Variants in RIMBP2 observed in about 807,000 individuals in gnomAD.
The protein encoded by RIMBP2 is RIMS-binding protein 2.
Under a neutral mutation model 118.6 loss-of-function variants are expected in RIMBP2, and 48 were observed. That is an observed-to-expected ratio of 0.40 (90% CI 0.32 to 0.51). RIMBP2 has a LOEUF of 0.51. Ranked by LOEUF, RIMBP2 falls within the 20% of genes least tolerant of loss-of-function variation. The probability of loss-of-function intolerance (pLI) is 0.41; values close to 1 mark genes in which losing one functional copy is unlikely to be tolerated. For missense variants in RIMBP2, 1,551 were observed against 1,768.3 expected (o/e 0.88, Z 2.20); for synonymous variants, 762 against 742.9 (o/e 1.03, Z -0.42).
chr12:130,658,437 C>G (rs2063517068), intron 1 of RIMBP2: 1 of 152,192 alleles, frequency 6.6e-6, no homozygotes, highest in African/African-American at 2.4e-5. Context: ...CTCACAGTCT[C>G]TATGCTGCAT....
Position 130,441,999 on chromosome 12 carries a change from G to A in RIMBP2, c.1353C>T (p.Ala451=), listed in dbSNP as rs769245689. 1.1e-5 allele frequency: 17 copies of A among 1,614,158 alleles called. No individual in the cohort carries two copies. The highest frequency in any genetic ancestry group is 6.7e-5 in the East Asian group (3 of 44,872). ...TGAAGAACTGGTACTTGTACCTGGCGGCCTTGACGATGTCGAACTCCTCCT... is the reference window on the plus strand; with the variant it reads ...TGAAGAACTGGTACTTGTACCTGGCAGCCTTGACGATGTCGAACTCCTCCT... ...LNEEEFDIVK[A]ARYKYQFFNL... The change falls in exon 11 of 23, where the codon GCC becomes GCT. Residue 451 remains alanine, a synonymous_variant. Transcript: ENST00000690449.
Position 130,424,737 on chromosome 12 carries a change from C to G in RIMBP2, c.2534G>C (p.Cys845Ser), listed in dbSNP as rs1210625965. 7 of 1,232,172 alleles carry G rather than the reference C, an allele frequency of 5.7e-6. No homozygotes were observed. Among genetic ancestry groups the G allele is most frequent in the Non-Finnish European group, 7.1e-6 (7 of 988,088 alleles). 76.3% of individuals were successfully genotyped at this position (1,232,172 alleles called of 1,614,324 possible). A position where few individuals can be genotyped will look rare whatever the true frequency, so the allele number is the denominator to read the frequency against. ...TGCACCCTGCTTGTGTAGCAGCCCA[C>G]AGCACTCTCCGTCCTCTTCCGCTAC... ...PEVAEEDGECCGLLHKQGAGP... is the reference protein window; with the variant it reads ...PEVAEEDGECSGLLHKQGAGP... Residue 845 changes from cysteine to serine, a missense_variant, in exon 16 of 23, where the codon TGT becomes TCT. Cys to Ser is a moderately radical substitution (Grantham distance 112, BLOSUM62 -1). Around this residue, in one of 5 missense-constraint regions of RIMBP2, gnomAD observed 1,038 missense variants for 1,125.1 expected, o/e 0.92. Coordinates refer to ENST00000690449, the MANE Select transcript of RIMBP2 (RefSeq NM_001393629.1). The surrounding 1 kb of genome is among the most constrained non-coding windows in gnomAD (Gnocchi z 9.8).
chr12:130,487,253 C>T (rs914773721), intron 4 of RIMBP2, among the ~76,000 whole-genome samples: 15 of 152,206 alleles, frequency 9.9e-5, no homozygotes, highest in African/African-American at 3.6e-4. Flanking sequence ...AGGATGTGTT[C>T]CCTCCAAACC....
chr12:130,590,435 G>A (rs577406508), intron 2 of RIMBP2, among the ~76,000 whole-genome samples: 8 of 152,206 alleles, frequency 5.3e-5, no homozygotes, highest in Middle Eastern at 3.4e-3. Context: ...CCTCAGCTCC[G>A]CCCATCAGAG....
chr12:130,534,027 A>G (rs2053752692), intron 2 of RIMBP2, among the ~76,000 whole-genome samples: 3 of 151,778 alleles, frequency 2.0e-5, no homozygotes. Flanking sequence ...TTAGCCAGGC[A>G]TGGTGGTGCA....
At chr12:130,591,589 GGGCTCCTTCC>G (rs2059272217) in intron 2 of RIMBP2, among the ~76,000 whole-genome samples, 2 of 152,256 alleles carry the variant, frequency 1.3e-5, no homozygotes, top group South Asian at 2.1e-4. Flanking sequence ...AGGGGCGGGG[GGGCTCCTTCC>G]AGCCCCTTCC....
intron 1 of RIMBP2, among the ~76,000 whole-genome samples, chr12:130,707,062 C>A (rs2066155607): frequency 1.3e-5 from 2 of 152,236 alleles, no homozygotes. Flanking sequence ...CGACAAGATT[C>A]TCTTTCCTGT....
In RIMBP2 at chr12:130,622,748, G is replaced by A. The variant is rs1220652202; in HGVS notation, c.-217+5574C>T. 6.6e-6 allele frequency among the ~76,000 whole-genome samples: 1 copy of A among 152,180 alleles called. No homozygotes were observed. Reference sequence around the variant, plus strand: ...CCTGTACAACACTCTTGGAAATATTGGGCTAGTTGGCAGATTTAGGCAATG... The same window carrying A: ...CCTGTACAACACTCTTGGAAATATTAGGCTAGTTGGCAGATTTAGGCAATG... On this transcript the variant is annotated intron_variant, in intron 2 of 22. Coordinates refer to ENST00000690449, the MANE Select transcript of RIMBP2 (RefSeq NM_001393629.1). This position sits in a 1 kb window ranked among gnomAD's most constrained non-coding sequence, Gnocchi z 8.5.
At chr12:130,494,330 T>C (rs1472404750) in intron 4 of RIMBP2, among the ~76,000 whole-genome samples, 11 of 152,180 alleles carry the variant, frequency 7.2e-5, no homozygotes, top group Non-Finnish European at 1.0e-4. Context: ...CACGGTAAGA[T>C]GGTGGATGCA....
intron 2 of RIMBP2, among the ~76,000 whole-genome samples, chr12:130,545,717 C>T (rs1004401845): frequency 2.0e-5 from 3 of 152,166 alleles, no homozygotes; most frequent in Non-Finnish European, 2.9e-5. Flanking sequence ...AGGGGAGCGC[C>T]GTGCTAAGGG....
intron 2 of RIMBP2, among the ~76,000 whole-genome samples, chr12:130,552,149 T>TA (rs1338259070): frequency 6.6e-6 from 1 of 152,226 alleles, no homozygotes; most frequent in Non-Finnish European, 1.5e-5. Context: ...AGAGAGCTTC[T>TA]AATAAATGAA....
intron 1 of RIMBP2, among the ~76,000 whole-genome samples, chr12:130,632,567 CTT>C (rs1342910232): frequency 6.6e-6 from 1 of 152,174 alleles, no homozygotes; most frequent in Non-Finnish European, 1.5e-5. Flanking sequence ...ACCCTGTTCT[CTT>C]TGCTCTGGGG....
intron 2 of RIMBP2, among the ~76,000 whole-genome samples, chr12:130,526,501 A>C (rs528220132): frequency 6.6e-6 from 1 of 152,330 alleles, no homozygotes; most frequent in South Asian, 2.1e-4. Flanking sequence ...TATAAGAGGA[A>C]ATGTGATTTA....
chr12:130,438,190 G>A (rs1414845749), intron 12 of RIMBP2, among the ~76,000 whole-genome samples, 175 bp downstream of exon 12: 2 of 152,190 alleles, frequency 1.3e-5, no homozygotes, highest in African/African-American at 4.8e-5. Context: ...GGGGAGTGCT[G>A]GAAGTGAGGA....
intron 2 of RIMBP2, among the ~76,000 whole-genome samples, chr12:130,545,830 T>G (rs761545905): frequency 1.2e-4 from 19 of 152,364 alleles, no homozygotes; most frequent in Non-Finnish European, 2.4e-4. Context: ...GTCCCATTTT[T>G]CATACAAATG....
At chr12:130,402,207 A>T (rs2074672744) in intron 21 of RIMBP2, among the ~76,000 whole-genome samples, 1 of 152,132 alleles carries the variant, frequency 6.6e-6, no homozygotes, top group African/African-American at 2.4e-5. Context: ...CTTTGGCCTA[A>T]GTTCCGTTCT....
chr12:130,610,915 A>G (rs2060502647), intron 2 of RIMBP2, among the ~76,000 whole-genome samples: 1 of 152,176 alleles, frequency 6.6e-6, no homozygotes, highest in Admixed American at 6.5e-5. Context: ...GCAATGTCTC[A>G]GAAACTCACA....
intron 1 of RIMBP2, among the ~76,000 whole-genome samples, chr12:130,686,941 G>T (rs2065078958): frequency 6.6e-6 from 1 of 152,332 alleles, no homozygotes; most frequent in South Asian, 2.1e-4. Flanking sequence ...ATTTGCCGGC[G>T]TATACCTCGC....
intron 4 of RIMBP2, among the ~76,000 whole-genome samples, chr12:130,482,611 G>A (rs2082107492): frequency 6.6e-6 from 1 of 152,230 alleles, no homozygotes; most frequent in Admixed American, 6.5e-5. Context: ...ACTTACCCAA[G>A]CACTTGTTTT....
Sources: gnomAD v4.1 joint callset for allele counts (sites outside exome capture counted in the v4.1 genomes callset) on GRCh38, gnomAD v4.1.1 for gene constraint, gnomAD v4.1.1 regional missense constraint, Gnocchi (gnomAD v3.1) non-coding constraint, MANE v1.5 for transcripts, NCBI Gene and HGNC (gene_info 2026-07-23, HGNC 2026-07-21) for gene names.